Variants in GNB1 observed in about 807,000 individuals in gnomAD.
GNB1 encodes the protein guanine nucleotide-binding protein G(I)/G(S)/G(T) subunit beta-1.
In GNB1, 2 loss-of-function variants were observed where a neutral mutation model predicts 42.9. The ratio of observed to expected loss-of-function variants is 0.05; its 90% CI spans 0.02 to 0.15. GNB1 has a LOEUF of 0.15. GNB1 is among the 10% of genes least tolerant of loss of function. The pLI, the probability that GNB1 is intolerant of heterozygous loss-of-function variation, is 1.00. For synonymous variants in GNB1, 183 were observed against 174.7 expected, an observed-to-expected ratio of 1.05 and a Z score of -0.38; for missense variants, 193 against 462.2, an observed-to-expected ratio of 0.42 and a Z score of 5.34.
chr1:1,857,290 C>G (rs1224326591), intron 1 of GNB1, among the ~76,000 whole-genome samples: 8 of 150,814 alleles, frequency 5.3e-5, no homozygotes, highest in African/African-American at 1.9e-4. Context: ...AGAACCCAGT[C>G]TCGGATGGCT....
intron 7 of GNB1, among the ~76,000 whole-genome samples, chr1:1,801,065 T>C (rs1646619070): frequency 6.6e-6 from 1 of 152,278 alleles, no homozygotes; most frequent in Non-Finnish European, 1.5e-5. Flanking sequence ...AGTCTCACTC[T>C]GTTACCCAGG....
chr1:1,870,652 G>C (rs370676231), intron 1 of GNB1, among the ~76,000 whole-genome samples: 1 of 152,218 alleles, frequency 6.6e-6, no homozygotes, highest in Non-Finnish European at 1.5e-5. Flanking sequence ...CCAAGAGCCA[G>C]TTCAACCCAT....
chr1:1,819,330 T>C (rs1646899565), intron 3 of GNB1, among the ~76,000 whole-genome samples: 1 of 152,004 alleles, frequency 6.6e-6, no homozygotes, highest in Non-Finnish European at 1.5e-5. Flanking sequence ...CAAGTGATTC[T>C]TCCCGTCTCA....
intron 5 of GNB1, among the ~76,000 whole-genome samples, chr1:1,813,509 G>A (rs186963701): frequency 7.9e-5 from 12 of 152,208 alleles, no homozygotes; most frequent in Admixed American, 7.2e-4. Context: ...TAGAGACAGG[G>A]TCTCACTCTG....
intron 1 of GNB1, among the ~76,000 whole-genome samples, chr1:1,840,599 T>C (rs139614873): frequency 5.9e-5 from 9 of 152,374 alleles, no homozygotes; most frequent in Non-Finnish European, 2.9e-5. Context: ...ATTAATTTAA[T>C]CCAGACTTTG....
At position 1,825,512 on chromosome 1, in the gene GNB1, G is replaced by A. The variant is rs1220340490; in HGVS notation, c.-46-13C>T. 5.4e-5 allele frequency: 64 copies of A among 1,188,204 alleles called. No individual in the cohort carries two copies. The highest frequency in any genetic ancestry group is 8.0e-5 in the Non-Finnish European group (63 of 792,126). 73.6% of individuals were successfully genotyped at this position (1,188,204 alleles called of 1,614,324 possible). On this transcript the variant is annotated splice_polypyrimidine_tract_variant and intron_variant, in intron 2 of 11. Coordinates refer to ENST00000378609, the MANE Select transcript of GNB1 (RefSeq NM_002074.5). Reference sequence around the variant, plus strand: ...AAGAATGTGAGATCTGAAACAGAAAGACAAGCACAATCAATAAACAACTGT... The same window carrying A: ...AAGAATGTGAGATCTGAAACAGAAAAACAAGCACAATCAATAAACAACTGT...
chr1:1,822,084 G>C (rs1407546104), intron 3 of GNB1, among the ~76,000 whole-genome samples: 1 of 152,134 alleles, frequency 6.6e-6, no homozygotes, highest in Non-Finnish European at 1.5e-5. Flanking sequence ...ATGACTGACA[G>C]AGACCCTGTC....
chr1:1,862,882 C>T (rs1205581544), intron 1 of GNB1, among the ~76,000 whole-genome samples: 2 of 152,168 alleles, frequency 1.3e-5, no homozygotes, highest in South Asian at 4.1e-4. Flanking sequence ...GAAAACACCA[C>T]GGAGGAGGCA....
intron 1 of GNB1, among the ~76,000 whole-genome samples, chr1:1,845,380 T>C (rs1301955822): frequency 3.9e-5 from 6 of 152,086 alleles, no homozygotes; most frequent in Non-Finnish European, 7.4e-5. Flanking sequence ...GAGACCATCC[T>C]AGCTAACTCA....
chr1:1,822,361 T>C (rs1444502927), intron 3 of GNB1, among the ~76,000 whole-genome samples: 1 of 150,196 alleles, frequency 6.7e-6, no homozygotes, highest in Admixed American at 6.7e-5. Flanking sequence ...GAGTGTGCAG[T>C]GGCGCGCTCT....
At chr1:1,848,520 C>A (rs1647805134) in intron 1 of GNB1, among the ~76,000 whole-genome samples, 1 of 152,162 alleles carries the variant, frequency 6.6e-6, no homozygotes, top group African/African-American at 2.4e-5. Flanking sequence ...TTCTCCTCCT[C>A]AGCCTCAACC....
rs1258222720 is a variant in GNB1 at position 1,823,161 on chromosome 1, G to A, written c.57+2236C>T. 1.1e-4 allele frequency among the ~76,000 whole-genome samples: 16 copies of A among 146,382 alleles called. 1 individual carries two copies. The East Asian group carries it at 3.4e-3, about 31-fold the overall frequency. ...GGAGGCCGAGGCAGGAGAATGGTGT[G>A]AACCCAGGAGGAGGAGCTTGCAGTG... On this transcript the variant is annotated intron_variant, in intron 3 of 11. Transcript: ENST00000378609.
chr1:1,831,058 G>A (rs1344045275), intron 2 of GNB1, among the ~76,000 whole-genome samples: 2 of 152,094 alleles, frequency 1.3e-5, no homozygotes, highest in Non-Finnish European at 2.9e-5. Context: ...CCACATACTC[G>A]GGAGGCTTAG....
At chr1:1,815,435 A>T (rs113034708) in intron 5 of GNB1, among the ~76,000 whole-genome samples, 1 of 152,218 alleles carries the variant, frequency 6.6e-6, no homozygotes. Context: ...CCAAGTTCAC[A>T]TAAGTAGGAT....
At chr1:1,828,095 C>T (rs951216861) in intron 2 of GNB1, among the ~76,000 whole-genome samples, 1 of 152,056 alleles carries the variant, frequency 6.6e-6, no homozygotes, top group African/African-American at 2.4e-5. Flanking sequence ...CTGCGGACAA[C>T]GGATCACCTG....
chr1:1,792,189 G>A (rs148963237), intron 8 of GNB1, among the ~76,000 whole-genome samples: 13 of 152,292 alleles, frequency 8.5e-5, no homozygotes, highest in Middle Eastern at 6.8e-3. Context: ...CCGTTTACCT[G>A]TAAGGTGAAA....
intron 3 of GNB1, among the ~76,000 whole-genome samples, chr1:1,823,611 T>C (rs1646961349): frequency 6.6e-6 from 1 of 152,230 alleles, no homozygotes; most frequent in South Asian, 2.1e-4. Flanking sequence ...GTCTTCCCTA[T>C]TCACCTATGT....
chr1:1,845,340 A>G (rs1322583377), intron 1 of GNB1, among the ~76,000 whole-genome samples: 2 of 152,122 alleles, frequency 1.3e-5, no homozygotes, highest in Admixed American at 1.3e-4. Context: ...TTGGGAGGCC[A>G]AGGCGGGCGG....
chr1:1,806,776 C>T (rs924744656), intron 5 of GNB1, among the ~76,000 whole-genome samples: 8 of 152,136 alleles, frequency 5.3e-5, no homozygotes, highest in South Asian at 2.1e-4. Context: ...GAGTTCAAGA[C>T]CAGCCTGGCC....
Sources: allele counts gnomAD v4.1 joint callset (sites outside exome capture counted in the v4.1 genomes callset), GRCh38; gene constraint gnomAD v4.1.1; transcripts MANE v1.5; gene names NCBI Gene and HGNC (gene_info 2026-07-23, HGNC 2026-07-21).